The following MAGI2 variants were observed in gnomAD, a reference collection of about 807,000 sequenced individuals.
MAGI2 encodes membrane-associated guanylate kinase, WW and PDZ domain-containing protein 2.
MAGI2 carries 35 observed loss-of-function variants against 133.3 expected under a neutral mutation model. That is an observed-to-expected ratio of 0.26 (90% CI 0.20 to 0.35). The LOEUF is 0.35. Ranked by LOEUF, MAGI2 falls within the 10% of genes least tolerant of loss-of-function variation. The probability of loss-of-function intolerance (pLI) is 1.00; values close to 1 mark genes in which losing one functional copy is unlikely to be tolerated. For missense variants in MAGI2, 1,636 were observed against 1,863.4 expected, an observed-to-expected ratio of 0.88 and a Z score of 2.25; for synonymous variants, 729 against 710.6, an observed-to-expected ratio of 1.03 and a Z score of -0.41.
intron 6 of MAGI2, among the ~76,000 whole-genome samples, chr7:78,403,449 G>A (rs556515982): frequency 0.012 from 1,836 of 152,168 alleles, 18 homozygotes; most frequent in Middle Eastern, 0.044. Context: ...GAATAGTGCC[G>A]CAATAAACAT....
intron 1 of MAGI2, among the ~76,000 whole-genome samples, chr7:79,273,521 C>G (rs1157191244): frequency 6.6e-6 from 1 of 151,964 alleles, no homozygotes; most frequent in Admixed American, 6.6e-5. Flanking sequence ...TGAATGGTTG[C>G]AAAGTAGAGT....
chr7:78,939,150 C>T (rs748219035), intron 2 of MAGI2, among the ~76,000 whole-genome samples: 22 of 152,170 alleles, frequency 1.4e-4, no homozygotes, highest in East Asian at 7.8e-4. Context: ...CCTGCCACCA[C>T]GCCTGGCTAA....
At chr7:78,984,706 A>T (rs1368666617) in intron 2 of MAGI2, among the ~76,000 whole-genome samples, 1 of 151,140 alleles carries the variant, frequency 6.6e-6, no homozygotes, top group African/African-American at 2.4e-5. Flanking sequence ...CACCCACACT[A>T]CCCCACCCAC....
At chr7:78,734,826 A>C (rs558924825) in intron 2 of MAGI2, among the ~76,000 whole-genome samples, 9 of 152,174 alleles carry the variant, frequency 5.9e-5, no homozygotes, top group Non-Finnish European at 1.3e-4. Flanking sequence ...GGTCATCCTG[A>C]GGTCAGTGAG....
intron 2 of MAGI2, among the ~76,000 whole-genome samples, chr7:78,890,937 G>A (rs1229862963): frequency 6.6e-6 from 1 of 152,134 alleles, no homozygotes; most frequent in Non-Finnish European, 1.5e-5. Context: ...ATGAATCCAG[G>A]ACCTGGTTTT....
At chr7:78,217,150 A>C (rs1398332935) in intron 10 of MAGI2, among the ~76,000 whole-genome samples, 3 of 152,218 alleles carry the variant, frequency 2.0e-5, no homozygotes, top group African/African-American at 7.2e-5. Flanking sequence ...ATAAGTTCAC[A>C]TTCTGAGGTA....
At chr7:78,443,808 G>A (rs1294968885) in intron 6 of MAGI2, among the ~76,000 whole-genome samples, 1 of 152,136 alleles carries the variant, frequency 6.6e-6, no homozygotes, top group African/African-American at 2.4e-5. Flanking sequence ...CTGGAATACA[G>A]ACATCAAAGA....
intron 1 of MAGI2, among the ~76,000 whole-genome samples, chr7:79,211,781 A>C (rs1829517861): frequency 1.3e-5 from 2 of 152,074 alleles, no homozygotes; most frequent in South Asian, 4.1e-4. Flanking sequence ...CTGGGTTAAT[A>C]GGAGGGTGGC....
intron 2 of MAGI2, among the ~76,000 whole-genome samples, chr7:78,872,188 C>A (rs1161033076): frequency 7.0e-6 from 1 of 141,896 alleles, no homozygotes. Context: ...AAAACAGACA[C>A]AAAATATAAA....
intron 1 of MAGI2, among the ~76,000 whole-genome samples, chr7:79,265,838 A>G (rs911801952): frequency 6.6e-6 from 1 of 152,102 alleles, no homozygotes; most frequent in African/African-American, 2.4e-5. Flanking sequence ...TGCTAATCTG[A>G]TATCTGTTCA....
intron 1 of MAGI2, among the ~76,000 whole-genome samples, chr7:79,138,389 T>G (rs1351923751): frequency 6.6e-6 from 1 of 152,208 alleles, no homozygotes; most frequent in East Asian, 1.9e-4. Context: ...CAATGGAATT[T>G]AACTACCCAA....
At chr7:79,067,177 G>A (rs1189534707) in intron 1 of MAGI2, among the ~76,000 whole-genome samples, 1 of 152,118 alleles carries the variant, frequency 6.6e-6, no homozygotes, top group Non-Finnish European at 1.5e-5. Context: ...GGAGAGCATT[G>A]AAACTAAAAA....
intron 2 of MAGI2, among the ~76,000 whole-genome samples, chr7:78,732,929 A>G (rs1317113763): frequency 6.6e-6 from 1 of 152,182 alleles, no homozygotes; most frequent in Non-Finnish European, 1.5e-5. Context: ...TGATAAGGGA[A>G]GAGCTTTGCA....
chr7:78,410,375 G>C (rs186408063), intron 6 of MAGI2, among the ~76,000 whole-genome samples: 1 of 152,038 alleles, frequency 6.6e-6, no homozygotes, highest in Admixed American at 6.6e-5. Flanking sequence ...GATTCTCTAC[G>C]ACACAGCTTA....
intron 2 of MAGI2, among the ~76,000 whole-genome samples, chr7:78,953,681 A>G (rs1397461885): frequency 6.6e-6 from 1 of 152,106 alleles, no homozygotes; most frequent in African/African-American, 2.4e-5. Context: ...AGTATCATGA[A>G]TGGTGTAAGA....
chr7:79,066,914 G>T (rs941519247), intron 1 of MAGI2, among the ~76,000 whole-genome samples: 3 of 152,086 alleles, frequency 2.0e-5, no homozygotes, highest in African/African-American at 7.2e-5. Context: ...AAAACAGATG[G>T]TTGTAGATGT....
At chr7:79,216,232 C>CT (rs1384331412) in intron 1 of MAGI2, among the ~76,000 whole-genome samples, 1 of 151,956 alleles carries the variant, frequency 6.6e-6, no homozygotes, top group Non-Finnish European at 1.5e-5. Context: ...AGATTATCCA[C>CT]TGGATGGCCA....
At chr7:78,470,805 C>G (rs144112097) in intron 6 of MAGI2, among the ~76,000 whole-genome samples, 80 of 152,198 alleles carry the variant, frequency 5.3e-4, no homozygotes, top group African/African-American at 1.9e-3. Flanking sequence ...CACAATGGGT[C>G]TGTTATATGG....
chr7:78,629,991 T>A (rs1160059651), intron 2 of MAGI2, among the ~76,000 whole-genome samples: 1 of 151,892 alleles, frequency 6.6e-6, no homozygotes, highest in Non-Finnish European at 1.5e-5. Flanking sequence ...TAAATAAATA[T>A]TTTATTTGTC....
Sources: allele counts gnomAD v4.1 joint callset (sites outside exome capture counted in the v4.1 genomes callset), GRCh38; gene constraint gnomAD v4.1.1; transcripts MANE v1.5; gene names NCBI Gene and HGNC (gene_info 2026-07-23, HGNC 2026-07-21).